The following DOCK3 variants were observed in gnomAD, a reference collection of about 807,000 sequenced individuals.
DOCK3 encodes the protein dedicator of cytokinesis protein 3.
A neutral mutation model predicts 265.6 loss-of-function variants in DOCK3; 60 were observed. That is an observed-to-expected ratio of 0.23 (90% confidence interval 0.18 to 0.28). The LOEUF is 0.28. Among genes scored for constraint, DOCK3 ranks in the 10% least tolerant of loss-of-function variants. The pLI, the probability that DOCK3 is intolerant of heterozygous loss-of-function variation, is 1.00. For synonymous variants in DOCK3, 881 were observed against 938.0 expected (o/e 0.94, Z 1.11); for missense variants, 1,981 against 2,594.3 (o/e 0.76, Z 5.14).
At chr3:51,104,632 G>C (rs577046829) in intron 9 of DOCK3, among the ~76,000 whole-genome samples, 110 of 152,272 alleles carry the variant, frequency 7.2e-4, no homozygotes, top group African/African-American at 2.6e-3. Flanking sequence ...TGGGATTGTG[G>C]ACAATTATAG....
intron 5 of DOCK3, among the ~76,000 whole-genome samples, chr3:51,009,959 T>G (rs531496349): frequency 7.9e-5 from 12 of 152,344 alleles, no homozygotes; most frequent in South Asian, 2.1e-4. Flanking sequence ...GAGTTCTAGT[T>G]TGATTGCACT....
At chr3:50,801,339 G>A (rs1559655225) in intron 2 of DOCK3, among the ~76,000 whole-genome samples, 1 of 152,078 alleles carries the variant, frequency 6.6e-6, no homozygotes, top group Non-Finnish European at 1.5e-5. Context: ...AGGAAAAATG[G>A]TTATGGCAGA....
In DOCK3 at chr3:50,898,827, T is replaced by C. The variant is rs186633301; in HGVS notation, c.218+8746T>C. Among the ~76,000 whole-genome samples the C allele has an allele frequency of 5.3e-5, 8 of 152,316 alleles. No homozygotes were observed. The East Asian group carries it at 1.3e-3, about 26-fold the overall frequency. On this transcript the variant is annotated intron_variant, in intron 4 of 52. Transcript: ENST00000266037. Reference sequence around the variant, plus strand: ...TCTCAATCCTGAGTTCCAATTTGATTGCACTGTGGTCTGAGAGACTGTTAT... The same window carrying C: ...TCTCAATCCTGAGTTCCAATTTGATCGCACTGTGGTCTGAGAGACTGTTAT...
chr3:51,319,456 G>A (rs143854631), intron 32 of DOCK3, among the ~76,000 whole-genome samples: 1 of 150,824 alleles, frequency 6.6e-6, no homozygotes, highest in Non-Finnish European at 1.5e-5. Context: ...GCTATGCAAT[G>A]GCTCTGAGTC....
At chr3:50,974,620 C>T (rs1393633660) in intron 5 of DOCK3, among the ~76,000 whole-genome samples, 4 of 143,052 alleles carry the variant, frequency 2.8e-5, no homozygotes, top group Non-Finnish European at 6.1e-5. Context: ...CTTGGCGATG[C>T]GGGCTCTTTT....
At chr3:51,326,539 C>G (rs939193862) in intron 32 of DOCK3, among the ~76,000 whole-genome samples, 2 of 151,998 alleles carry the variant, frequency 1.3e-5, no homozygotes, top group African/African-American at 4.8e-5. Context: ...CTGGGCCTCC[C>G]AAAATGCTGG....
chr3:50,730,907 G>A lies in DOCK3; in HGVS notation c.38-47768G>A, dbSNP rs55916910. Among the ~76,000 whole-genome samples, 15 of 151,978 alleles carry A rather than the reference G, an allele frequency of 9.9e-5. No homozygotes were observed. The East Asian group carries it at 1.2e-3, about 12-fold the overall frequency. ...GCACTTTGGGAGGCCGAGGTGGGTG[G>A]ATCACGAGGCCAGGAGATCGAGACC... On this transcript the variant is annotated intron_variant, in intron 1 of 52. Coordinates refer to ENST00000266037, the MANE Select transcript of DOCK3 (RefSeq NM_004947.5).
At chr3:51,123,196 G>T (rs1056271586) in intron 9 of DOCK3, among the ~76,000 whole-genome samples, 1 of 152,098 alleles carries the variant, frequency 6.6e-6, no homozygotes, top group Admixed American at 6.6e-5. Flanking sequence ...CCCAACACTA[G>T]CCCTGCCCAT....
chr3:51,253,074 G>T (rs923757955), intron 22 of DOCK3, among the ~76,000 whole-genome samples: 2 of 152,116 alleles, frequency 1.3e-5, no homozygotes, highest in African/African-American at 4.8e-5. Flanking sequence ...TAGCGTGAAG[G>T]GCTGTTGAAT....
chr3:51,199,047 G>A (rs2088515421), intron 12 of DOCK3, among the ~76,000 whole-genome samples: 1 of 152,008 alleles, frequency 6.6e-6, no homozygotes, highest in African/African-American at 2.4e-5. Flanking sequence ...GAAAAAAAAA[G>A]AGGGGAGGAG....
intron 5 of DOCK3, among the ~76,000 whole-genome samples, chr3:50,946,927 A>G (rs974407371): frequency 2.0e-5 from 3 of 152,202 alleles, no homozygotes; most frequent in African/African-American, 7.2e-5. Flanking sequence ...AACTTTGTTC[A>G]CATTGTACAG....
chr3:50,686,162 A>G (rs2034782996), intron 1 of DOCK3, among the ~76,000 whole-genome samples: 1 of 151,976 alleles, frequency 6.6e-6, no homozygotes, highest in Admixed American at 6.6e-5. Flanking sequence ...TTTTCCTGCA[A>G]CTAGATGGTC....
rs540585652 is a variant in DOCK3, at chr3:51,131,805, A to G, written c.747-14744A>G. ...CCTGGCCCCTGCCACCTTGGGATCCAGTTATTTCCATTGTATTTAAATTTT... is the reference window on the plus strand; with the variant it reads ...CCTGGCCCCTGCCACCTTGGGATCCGGTTATTTCCATTGTATTTAAATTTT... On this transcript the variant is annotated intron_variant, in intron 9 of 52. Transcript: ENST00000266037. Among the ~76,000 whole-genome samples, 28 of 152,292 alleles carry G rather than the reference A, an allele frequency of 1.8e-4. No individual in the cohort carries two copies. The East Asian group carries it at 5.2e-3, about 28-fold the overall frequency.
At chr3:51,095,412 C>T (rs1237148833) in intron 9 of DOCK3, among the ~76,000 whole-genome samples, 1 of 152,058 alleles carries the variant, frequency 6.6e-6, no homozygotes, top group Non-Finnish European at 1.5e-5. Flanking sequence ...TTCTCTTTTG[C>T]TTATGAAGCT....
At chr3:51,063,273 G>T (rs915694616) in intron 5 of DOCK3, among the ~76,000 whole-genome samples, 1 of 152,054 alleles carries the variant, frequency 6.6e-6, no homozygotes, top group African/African-American at 2.4e-5. Flanking sequence ...CTGAGTTGAG[G>T]GGATTGCTCA....
intron 13 of DOCK3, among the ~76,000 whole-genome samples, chr3:51,213,463 A>T (rs1366596358): frequency 6.6e-6 from 1 of 152,154 alleles, no homozygotes; most frequent in Non-Finnish European, 1.5e-5. Context: ...AGTGAGCCAG[A>T]AGGCAGCTCA....
chr3:51,297,042 C>G (rs1449037432), intron 27 of DOCK3, among the ~76,000 whole-genome samples: 2 of 136,860 alleles, frequency 1.5e-5, no homozygotes, highest in Admixed American at 8.0e-5. Flanking sequence ...CGCTTGAATC[C>G]AGGAGGCAGA....
At chr3:50,977,787 G>A (rs937888875) in intron 5 of DOCK3, among the ~76,000 whole-genome samples, 1 of 151,962 alleles carries the variant, frequency 6.6e-6, no homozygotes, top group African/African-American at 2.4e-5. Flanking sequence ...ACACCAATCA[G>A]ACGTAGATTT....
At chr3:50,900,132 CT>C in intron 4 of DOCK3, among the ~76,000 whole-genome samples, 1 of 152,286 alleles carries the variant, frequency 6.6e-6, no homozygotes. Context: ...TAGATTTGGT[CT>C]TTTCACATAG....
Sources: allele counts gnomAD v4.1 joint callset (sites outside exome capture counted in the v4.1 genomes callset), GRCh38; gene constraint gnomAD v4.1.1; transcripts MANE v1.5; gene names NCBI Gene and HGNC (gene_info 2026-07-23, HGNC 2026-07-21).